KCNK9: variants seen among roughly 807,000 people sequenced by gnomAD.
KCNK9 encodes the protein potassium two pore domain channel subfamily K member 9.
Under a neutral mutation model 10.8 loss-of-function variants are expected in KCNK9, and 1 was observed. That is an observed-to-expected ratio of 0.09 (90% CI 0.03 to 0.44). The LOEUF is 0.44. Among genes scored for constraint, KCNK9 ranks in the 20% least tolerant of loss-of-function variants. The pLI is 0.97. For missense variants in KCNK9, 303 were observed against 515.0 expected, an observed-to-expected ratio of 0.59 and a Z score of 3.98; for synonymous variants, 231 against 222.7, an observed-to-expected ratio of 1.04 and a Z score of -0.33.
chr8:139,691,449 GCTTGTA>G (rs1816932413), intron 1 of KCNK9, among the ~76,000 whole-genome samples: 1 of 152,158 alleles, frequency 6.6e-6, no homozygotes. Flanking sequence ...ACCCACCCCT[GCTTGTA>G]CAGTTGTTGA....
At chr8:139,623,497 G>A (rs537360127) in intron 1 of KCNK9, among the ~76,000 whole-genome samples, 2 of 152,298 alleles carry the variant, frequency 1.3e-5, no homozygotes, top group African/African-American at 2.4e-5. Context: ...ACGAGCAGGT[G>A]CGGATAGAGG....
chr8:139,666,300 A>T (rs1816298432), intron 1 of KCNK9, among the ~76,000 whole-genome samples: 1 of 152,226 alleles, frequency 6.6e-6, no homozygotes, highest in African/African-American at 2.4e-5. Context: ...CCTATTGTGT[A>T]GGGTGGGTAA....
At chr8:139,665,682 A>G (rs1160813595) in intron 1 of KCNK9, among the ~76,000 whole-genome samples, 2 of 152,180 alleles carry the variant, frequency 1.3e-5, no homozygotes, top group Non-Finnish European at 2.9e-5. Context: ...CCTGACAGCT[A>G]ACTCTGTAAA....
chr8:139,680,635 G>A (rs1184250981), intron 1 of KCNK9, among the ~76,000 whole-genome samples: 1 of 152,130 alleles, frequency 6.6e-6, no homozygotes, highest in Non-Finnish European at 1.5e-5. Flanking sequence ...ATGGCGTTGG[G>A]CACTTCCCCT....
In KCNK9 at chr8:139,699,897, G is replaced by T. The variant is rs549177329; in HGVS notation, c.283+2813C>A. Among the ~76,000 whole-genome samples, 47 of 152,252 alleles carry T rather than the reference G, an allele frequency of 3.1e-4. No individual in the cohort carries two copies. In the East Asian group the frequency reaches 8.9e-3, roughly 29 times the overall value. On this transcript the variant is annotated intron_variant, in intron 1 of 1. Coordinates refer to ENST00000520439, the MANE Select transcript of KCNK9 (RefSeq NM_001282534.2). ...GCTCCTGTCCCAGCCTTGGAGATTT[G>T]GGCAAAAAGTTAAAGCATGCTCAAG...
chr8:139,676,100 G>C (rs1377161776), intron 1 of KCNK9, among the ~76,000 whole-genome samples: 1 of 152,226 alleles, frequency 6.6e-6, no homozygotes, highest in African/African-American at 2.4e-5. Context: ...AGGAGCCTGG[G>C]GCCCTGAATG....
chr8:139,673,999 C>T (rs997308767), intron 1 of KCNK9, among the ~76,000 whole-genome samples: 2 of 152,226 alleles, frequency 1.3e-5, no homozygotes, highest in African/African-American at 4.8e-5. Context: ...TGAGCCCTTC[C>T]CTTCCTCCTG....
downstream of KCNK9, among the ~76,000 whole-genome samples, chr8:139,613,151 GC>G (rs1312334253): frequency 6.6e-6 from 1 of 152,198 alleles, no homozygotes; most frequent in East Asian, 1.9e-4. Flanking sequence ...TTCTTCTTTG[GC>G]TGAACCACTG....
intron 1 of KCNK9, among the ~76,000 whole-genome samples, chr8:139,673,998 C>T (rs2129742369): frequency 6.6e-6 from 1 of 152,356 alleles, no homozygotes; most frequent in Admixed American, 6.5e-5. Flanking sequence ...CTGAGCCCTT[C>T]CCTTCCTCCT....
intron 1 of KCNK9, among the ~76,000 whole-genome samples, chr8:139,642,678 G>A (rs1329302746): frequency 6.6e-6 from 1 of 152,248 alleles, no homozygotes; most frequent in Non-Finnish European, 1.5e-5. Context: ...AGCTTCTCCT[G>A]AGACCTGCAC....
At chr8:139,653,320 A>G (rs1815923266) in intron 1 of KCNK9, among the ~76,000 whole-genome samples, 1 of 152,168 alleles carries the variant, frequency 6.6e-6, no homozygotes, top group Non-Finnish European at 1.5e-5. Context: ...TCATAACATA[A>G]TCAAAACAGT....
chr8:139,663,529 C>G (rs2129712659), intron 1 of KCNK9, among the ~76,000 whole-genome samples: 1 of 152,222 alleles, frequency 6.6e-6, no homozygotes, highest in East Asian at 1.9e-4. Context: ...CTCGTTCACC[C>G]TGAGGACACA....
At chr8:139,688,705 T>C (rs1816873617) in intron 1 of KCNK9, among the ~76,000 whole-genome samples, 1 of 152,218 alleles carries the variant, frequency 6.6e-6, no homozygotes, top group African/African-American at 2.4e-5. Flanking sequence ...CAGATTTTGA[T>C]AGGTAACAAT....
chr8:139,622,874 A>G (rs1215092106), intron 1 of KCNK9, among the ~76,000 whole-genome samples: 3 of 152,220 alleles, frequency 2.0e-5, no homozygotes, highest in African/African-American at 7.2e-5. Context: ...CAGAGTACAC[A>G]CAGTGTACAC....
chr8:139,692,533 A>G (rs974908158), intron 1 of KCNK9, among the ~76,000 whole-genome samples: 1 of 152,180 alleles, frequency 6.6e-6, no homozygotes, highest in Non-Finnish European at 1.5e-5. Flanking sequence ...TTGAATACCT[A>G]TGGCCTGAAC....
chr8:139,629,710 T>C (rs2542421), intron 1 of KCNK9, among the ~76,000 whole-genome samples: 80,085 of 151,856 alleles, frequency 0.53, 22,688 homozygotes, highest in African/African-American at 0.71. Flanking sequence ...GTGGGGGCTC[T>C]CCGGGGCTTT....
intron 1 of KCNK9, among the ~76,000 whole-genome samples, chr8:139,673,950 C>T (rs1816492960): frequency 6.6e-6 from 1 of 152,192 alleles, no homozygotes; most frequent in African/African-American, 2.4e-5. Context: ...AGCCCCGCCC[C>T]TGCCCCACCG....
chr8:139,671,906 G>A (rs1176547579), intron 1 of KCNK9, among the ~76,000 whole-genome samples: 1 of 152,152 alleles, frequency 6.6e-6, no homozygotes, highest in African/African-American at 2.4e-5. Flanking sequence ...CCTGAGCGTG[G>A]CAGGAGCACC....
intron 1 of KCNK9, among the ~76,000 whole-genome samples, chr8:139,684,907 T>C (rs1816757986): frequency 6.7e-6 from 1 of 149,870 alleles, no homozygotes; most frequent in Admixed American, 6.6e-5. Context: ...CTAAGAACTA[T>C]GGTGAACTAG....
Sources: allele counts gnomAD v4.1 joint callset (sites outside exome capture counted in the v4.1 genomes callset), GRCh38; gene constraint gnomAD v4.1.1; transcripts MANE v1.5; gene names NCBI Gene and HGNC (gene_info 2026-07-23, HGNC 2026-07-21).